The following ARSB variants were observed in gnomAD, a reference collection of about 807,000 sequenced individuals.
ARSB encodes N-acetylgalactosamine-4-sulfatase.
A neutral mutation model predicts 50.9 loss-of-function variants in ARSB; 41 were observed. That is an observed-to-expected ratio of 0.81 (90% CI 0.63 to 1.04). The LOEUF (loss-of-function observed/expected upper bound fraction) is 1.04. Ranked by LOEUF, ARSB falls within the 50% of genes least tolerant of loss-of-function variation. The pLI is 0.00. For synonymous variants in ARSB, 269 were observed against 284.8 expected (o/e 0.94, Z 0.56); for missense variants, 672 against 693.3 (o/e 0.97, Z 0.35).
intron 5 of ARSB, among the ~76,000 whole-genome samples, chr5:78,882,335 G>A (rs1236153852): frequency 1.3e-5 from 2 of 152,196 alleles, no homozygotes; most frequent in African/African-American, 4.8e-5. Context: ...TGAGAGACAA[G>A]AGAGCAGGAG....
intron 4 of ARSB, among the ~76,000 whole-genome samples, chr5:78,917,484 T>G (rs1018757873): frequency 6.6e-6 from 1 of 152,184 alleles, no homozygotes; most frequent in Admixed American, 6.5e-5. Context: ...AATCACTGGT[T>G]TTTTAAAATG....
At chr5:78,785,984 A>G (rs577123928) in intron 6 of ARSB, among the ~76,000 whole-genome samples, 1 of 152,366 alleles carries the variant, frequency 6.6e-6, no homozygotes, top group Non-Finnish European at 1.5e-5. Context: ...TTTTTTAAAG[A>G]GTATATCATA....
intron 6 of ARSB, among the ~76,000 whole-genome samples, chr5:78,809,514 T>C (rs1320730916): frequency 6.6e-6 from 1 of 152,212 alleles, no homozygotes; most frequent in Non-Finnish European, 1.5e-5. Context: ...AGACAGATGA[T>C]CCTGGAGCAC....
chr5:78,949,850 C>T (rs1751422401), intron 4 of ARSB, among the ~76,000 whole-genome samples: 1 of 152,108 alleles, frequency 6.6e-6, no homozygotes, highest in Non-Finnish European at 1.5e-5. Context: ...GCAGTGATTG[C>T]AGCAAGCCAA....
At chr5:78,787,091 CATCT>C (rs143701672) in intron 6 of ARSB, among the ~76,000 whole-genome samples, 2,210 of 128,024 alleles carry the variant, frequency 0.017, 29 homozygotes, top group African/African-American at 0.035. Flanking sequence ...AATCGATAAC[CATCT>C]ATCTATCTAT....
intron 2 of ARSB, among the ~76,000 whole-genome samples, chr5:78,967,836 C>CT (rs951135998): frequency 4.6e-5 from 7 of 151,878 alleles, no homozygotes; most frequent in Non-Finnish European, 8.8e-5. Context: ...ATATGTGTTC[C>CT]TTTTTGGCTA....
At position 78,839,143 on chromosome 5, in the gene ARSB, CAAG is replaced by C. The variant is rs144799820; in HGVS notation, c.1213+210_1213+212del. Among the ~76,000 whole-genome samples the C allele has an allele frequency of 0.14, 21,184 of 152,182 alleles. 1,527 individuals carry two copies. Among genetic ancestry groups the C allele is most frequent in the Middle Eastern group, 0.2 (59 of 294 alleles). ...GCTTAAAGGCTAGTAAGCGGCAGAGCAAGAATAGAATTCACCTTTCTTATTTCA... is the reference window on the plus strand; with the variant it reads ...GCTTAAAGGCTAGTAAGCGGCAGAGCAATAGAATTCACCTTTCTTATTTCA... On this transcript the variant is annotated intron_variant, in intron 6 of 7. Coordinates refer to ENST00000264914, the MANE Select transcript of ARSB (RefSeq NM_000046.5).
chr5:78,929,339 AAC>A (rs1447953684), intron 4 of ARSB, among the ~76,000 whole-genome samples: 5 of 152,306 alleles, frequency 3.3e-5, no homozygotes, highest in Non-Finnish European at 7.4e-5. Context: ...GCAAGGAATC[AAC>A]ACAGTCTTTA....
Position 78,962,455 on chromosome 5 carries a change from G to A in ARSB, c.690+1961C>T, listed in dbSNP as rs142959167. ...CTTCAAGATATCAGCATAGGAGAGT[G>A]ATCGCCAAAAGTGGGACGCAGCTGA... is the stretch of plus-strand genomic sequence containing the variant. On this transcript the variant is annotated intron_variant, in intron 3 of 7. Transcript: ENST00000264914. Among the ~76,000 whole-genome samples the A allele has an allele frequency of 2.8e-3, 430 of 151,578 alleles. 1 individual carries two copies. Among genetic ancestry groups the A allele is most frequent in the Non-Finnish European group, 5.0e-3 (338 of 67,960 alleles).
chr5:78,804,545 A>G (rs1040860860), intron 6 of ARSB, among the ~76,000 whole-genome samples: 1 of 152,238 alleles, frequency 6.6e-6, no homozygotes, highest in African/African-American at 2.4e-5. Context: ...AGCAAAAGGG[A>G]GAGAGCTCAG....
At chr5:78,899,533 C>T (rs1049827729) in intron 4 of ARSB, among the ~76,000 whole-genome samples, 1 of 152,122 alleles carries the variant, frequency 6.6e-6, no homozygotes, top group African/African-American at 2.4e-5. Flanking sequence ...TTTTTCTTCT[C>T]TGATTGTGTA....
intron 6 of ARSB, among the ~76,000 whole-genome samples, chr5:78,797,650 G>A (rs945532404): frequency 2.0e-5 from 3 of 152,144 alleles, no homozygotes; most frequent in Non-Finnish European, 4.4e-5. Context: ...TCACCTTTCT[G>A]CTGCCCCCGT....
chr5:78,911,819 G>T (rs973244868), intron 4 of ARSB, among the ~76,000 whole-genome samples: 17 of 152,052 alleles, frequency 1.1e-4, no homozygotes, highest in Non-Finnish European at 1.9e-4. Context: ...AGACAATGAG[G>T]TCAAGATAGA....
intron 4 of ARSB, among the ~76,000 whole-genome samples, chr5:78,897,366 T>C (rs934986141): frequency 6.6e-6 from 1 of 152,174 alleles, no homozygotes; most frequent in Non-Finnish European, 1.5e-5. Context: ...TAAAAACCAC[T>C]GCCCTATACA....
chr5:78,879,979 T>TA (rs10713151), intron 5 of ARSB, among the ~76,000 whole-genome samples: 3,051 of 149,468 alleles, frequency 0.02, 96 homozygotes, highest in African/African-American at 0.069. Flanking sequence ...TACTTTTAAA[T>TA]AAAAAAAAAA....
chr5:78,913,963 ATTTT>A (rs200423948), intron 4 of ARSB, among the ~76,000 whole-genome samples: 1 of 138,186 alleles, frequency 7.2e-6, no homozygotes. Flanking sequence ...CAATACCATG[ATTTT>A]TTTTTTTTTT....
intron 3 of ARSB, among the ~76,000 whole-genome samples, chr5:78,960,658 G>A (rs7717318): frequency 0.27 from 40,354 of 151,982 alleles, 6,665 homozygotes; most frequent in African/African-American, 0.47. Context: ...TCTTCCTCCC[G>A]GGTTCAAGCG....
intron 4 of ARSB, among the ~76,000 whole-genome samples, chr5:78,916,944 G>A (rs1749577188): frequency 6.6e-6 from 1 of 152,202 alleles, no homozygotes; most frequent in African/African-American, 2.4e-5. Context: ...GCTGAATTCT[G>A]GTGAAGGAGA....
intron 3 of ARSB, among the ~76,000 whole-genome samples, chr5:78,961,126 GCTTT>G (rs1362428101): frequency 1.3e-5 from 2 of 151,918 alleles, no homozygotes; most frequent in African/African-American, 4.8e-5. Context: ...TCTTCATGTG[GCTTT>G]CTTTAATGAT....
Sources: gnomAD v4.1 joint callset for allele counts (sites outside exome capture counted in the v4.1 genomes callset) on GRCh38, gnomAD v4.1.1 for gene constraint, MANE v1.5 for transcripts, NCBI Gene and HGNC (gene_info 2026-07-23, HGNC 2026-07-21) for gene names.